The following XPO4 variants were observed in gnomAD, a reference collection of about 807,000 sequenced individuals.
XPO4 encodes the protein exportin 4.
In XPO4, 39 loss-of-function variants were observed where a neutral mutation model predicts 143.0. That is an observed-to-expected ratio of 0.27 (90% confidence interval 0.21 to 0.36). The LOEUF (loss-of-function observed/expected upper bound fraction) is 0.36. Ranked by LOEUF, XPO4 falls within the 10% of genes least tolerant of loss-of-function variation. The pLI, the probability that XPO4 is intolerant of heterozygous loss-of-function variation, is 1.00. For missense variants in XPO4, 907 were observed against 1,348.0 expected (o/e 0.67, Z 5.12); for synonymous variants, 439 against 474.0 (o/e 0.93, Z 0.96).
chr13:20,865,690 A>T, intron 2 of XPO4: 1 of 725,364 alleles, frequency 1.4e-6, no homozygotes, highest in Non-Finnish European at 1.7e-6. Context: ...AGTTTTTTTA[A>T]AAAAGAAAAA....
At chr13:20,794,918 CA>C (rs5802087) in intron 18 of XPO4, among the ~76,000 whole-genome samples, 1 of 147,766 alleles carries the variant, frequency 6.8e-6, no homozygotes, top group Admixed American at 6.8e-5. Context: ...TAGTTAACTG[CA>C]AAAAAAATAA....
rs150147952 is a variant in XPO4 at position 20,895,695 on chromosome 13, T to C, written c.69+6975A>G. Among the ~76,000 whole-genome samples, 376 of 152,126 alleles carry C rather than the reference T, an allele frequency of 2.5e-3. 1 individual carries two copies. The highest frequency in any genetic ancestry group is 8.7e-3 in the African/African-American group (360 of 41,498). ...CCGTTTCTATGCATATACAAATATA[T>C]ACAGAACTTTTTCTAGAAAACAGAA... On this transcript the variant is annotated intron_variant, in intron 1 of 22. Transcript: ENST00000255305.
In XPO4 at chr13:20,843,624, CTA is replaced by C. The variant is rs1448763817; in HGVS notation, c.573+144_573+145del. The C allele has an allele frequency of 9.8e-6, 6 of 612,188 alleles. No individual in the cohort carries two copies. In the African/African-American group the frequency reaches 1.1e-4, roughly 11 times the overall value. The allele number at this position is 612,188 out of a possible 1,614,324, so 37.9% of individuals were successfully genotyped here. A position where few individuals can be genotyped will look rare whatever the true frequency, so the allele number is the denominator to read the frequency against. On this transcript the variant is annotated intron_variant, in intron 5 of 22. Transcript: ENST00000255305. ...TACATTCACCAAACCTATCATTTTA[CTA>C]TATCCTTTGAAATCACAAAACAAAT... is the stretch of plus-strand genomic sequence containing the variant.
intron 13 of XPO4, among the ~76,000 whole-genome samples, chr13:20,804,937 TTTTTTTGCATTTTG>T (rs1320626598): frequency 1.4e-5 from 2 of 142,898 alleles, no homozygotes; most frequent in Non-Finnish European, 3.0e-5. Flanking sequence ...TACTCTCGGG[TTTTTTTGCATTTTG>T]TTTTTTTTTT....
intron 8 of XPO4, 124 bp from the exon 9 acceptor site, chr13:20,822,002 A>T: frequency 7.3e-7 from 1 of 1,377,370 alleles, no homozygotes; most frequent in Non-Finnish European, 9.7e-7. Flanking sequence ...CTGTTTATTA[A>T]TTTCAAATTA....
intron 9 of XPO4, among the ~76,000 whole-genome samples, chr13:20,811,312 G>T (rs2059579247): frequency 6.7e-6 from 1 of 148,614 alleles, no homozygotes; most frequent in South Asian, 2.1e-4. Context: ...TTTTGAGATG[G>T]AGTCTCGCTC....
chr13:20,878,470 T>C (rs981092821), intron 1 of XPO4, among the ~76,000 whole-genome samples: 2 of 152,152 alleles, frequency 1.3e-5, no homozygotes, highest in African/African-American at 2.4e-5. Context: ...CATTGCAGTA[T>C]AGTCATACAT....
Position 20,796,990 on chromosome 13 carries a change from T to C in XPO4, c.2390A>G (p.Gln797Arg). 1 of 1,613,504 alleles carries C rather than the reference T, an allele frequency of 6.2e-7. No homozygotes were observed. The highest frequency in any genetic ancestry group is 8.5e-7 in the Non-Finnish European group (1 of 1,179,718). The change falls in exon 17 of 23, where the codon CAG becomes CGG. Residue 797 changes from glutamine (Q) to arginine (R), a missense_variant. Transcript: ENST00000255305. Reference protein sequence around the residue: ...INQENFQQMCQQEEVKQEITA... With the variant: ...INQENFQQMCRQEEVKQEITA... ...GATTTCCTGCTTGACTTCCTCTTGC[T>C]GACACATCTGCTGGAAGTTTTCTTG...
chr13:20,832,004 C>T (rs2138014282), intron 6 of XPO4, among the ~76,000 whole-genome samples: 1 of 152,164 alleles, frequency 6.6e-6, no homozygotes, highest in Non-Finnish European at 1.5e-5. Flanking sequence ...GAAGAATCAA[C>T]TCTCCATTCC....
intron 1 of XPO4, among the ~76,000 whole-genome samples, chr13:20,891,103 G>A (rs528553782): frequency 1.0e-4 from 10 of 99,500 alleles, no homozygotes; most frequent in Admixed American, 6.9e-4. Flanking sequence ...GGCAACAAGA[G>A]CAAAACTCCA....
At position 20,783,266 on chromosome 13, in the gene XPO4, C is replaced by CTAAG. The variant is rs2059162046; in HGVS notation, c.*452_*455dup. The CTAAG allele has an allele frequency of 5.7e-6, 1 of 173,944 alleles. No individual in the cohort carries two copies. The highest frequency in any genetic ancestry group is 1.2e-5 in the Non-Finnish European group (1 of 81,612). 10.8% of individuals were successfully genotyped at this position (173,944 alleles called of 1,614,324 possible). On this transcript the variant is annotated 3_prime_UTR_variant, in exon 23 of 23. Transcript: ENST00000255305. ...TGACTCTGAAGGTCTACAGTTGGGCCTAAGAATCTGCCTTTTCACCAGCTC... is the reference window on the plus strand; with the variant it reads ...TGACTCTGAAGGTCTACAGTTGGGCCTAAGTAAGAATCTGCCTTTTCACCAGCTC...
intron 1 of XPO4, among the ~76,000 whole-genome samples, chr13:20,881,425 T>C (rs1406057978): frequency 1.3e-5 from 2 of 152,066 alleles, no homozygotes; most frequent in Admixed American, 6.6e-5. Flanking sequence ...CCCGCCACCA[T>C]GCCCAGCTAA....
At chr13:20,833,078 C>T (rs1057377979) in intron 6 of XPO4, among the ~76,000 whole-genome samples, 2 of 152,158 alleles carry the variant, frequency 1.3e-5, no homozygotes, top group African/African-American at 4.8e-5. Context: ...TTATGATTAG[C>T]ATTGCCAAAA....
chr13:20,824,640 A>C (rs1231153198), intron 7 of XPO4, among the ~76,000 whole-genome samples: 1 of 152,208 alleles, frequency 6.6e-6, no homozygotes, highest in African/African-American at 2.4e-5. Flanking sequence ...CATCATTACA[A>C]AAGAGTTCCT....
chr13:20,867,251 T>C (rs1297629167), intron 2 of XPO4, among the ~76,000 whole-genome samples: 3 of 152,216 alleles, frequency 2.0e-5, no homozygotes, highest in Non-Finnish European at 4.4e-5. Flanking sequence ...TAAAAGGTAG[T>C]TGTTGAACCT....
At chr13:20,889,307 T>G (rs2138176077) in intron 1 of XPO4, among the ~76,000 whole-genome samples, 1 of 152,356 alleles carries the variant, frequency 6.6e-6, no homozygotes, top group South Asian at 2.1e-4. Flanking sequence ...TTCTACAGAC[T>G]GAACTGCTCT....
chr13:20,893,874 G>A (rs940927284), intron 1 of XPO4, among the ~76,000 whole-genome samples: 10 of 152,042 alleles, frequency 6.6e-5, no homozygotes, highest in Admixed American at 1.3e-4. Flanking sequence ...AACAGAGTTC[G>A]CTCTTGTTGC....
intron 6 of XPO4, among the ~76,000 whole-genome samples, chr13:20,827,607 C>T (rs879904430): frequency 6.6e-6 from 1 of 151,980 alleles, no homozygotes; most frequent in Non-Finnish European, 1.5e-5. Context: ...ATATAGTCTA[C>T]TTGGAAAAAT....
chr13:20,861,179 G>A (rs1374178168), intron 3 of XPO4, among the ~76,000 whole-genome samples: 1 of 151,726 alleles, frequency 6.6e-6, no homozygotes, highest in African/African-American at 2.4e-5. Flanking sequence ...GTATTCAATT[G>A]CACAAACAGT....
Sources: gnomAD v4.1 joint callset for allele counts (sites outside exome capture counted in the v4.1 genomes callset) on GRCh38, gnomAD v4.1.1 for gene constraint, MANE v1.5 for transcripts, NCBI Gene and HGNC (gene_info 2026-07-23, HGNC 2026-07-21) for gene names.